The following CDH9 variants were observed in gnomAD, a reference collection of about 807,000 sequenced individuals.
The protein encoded by CDH9 is cadherin 9.
CDH9 carries 28 observed loss-of-function variants against 70.9 expected under a neutral mutation model. That is an observed-to-expected ratio of 0.40 (90% CI 0.29 to 0.54). CDH9 has a LOEUF of 0.54. CDH9 is among the 20% of genes least tolerant of loss of function. CDH9 has a pLI of 0.59. For synonymous variants in CDH9, 409 were observed against 343.1 expected (o/e 1.19, Z -2.12); for missense variants, 874 against 984.4 (o/e 0.89, Z 1.50).
chr5:26,959,900 A>AC (rs1742005787), intron 2 of CDH9, among the ~76,000 whole-genome samples: 1 of 69,080 alleles, frequency 1.4e-5, no homozygotes, highest in African/African-American at 2.8e-5. Context: ...TAATGTGTAT[A>AC]GGGTTTCTTT....
intron 11 of CDH9, among the ~76,000 whole-genome samples, chr5:26,885,217 C>T (rs565393655): frequency 6.6e-6 from 1 of 152,224 alleles, no homozygotes; most frequent in African/African-American, 2.4e-5. Flanking sequence ...CTAGCTAAAG[C>T]TTTTCCTAAA....
chr5:27,027,994 A>C (rs2112132493), intron 1 of CDH9, among the ~76,000 whole-genome samples: 1 of 152,204 alleles, frequency 6.6e-6, no homozygotes, highest in African/African-American at 2.4e-5. Context: ...AAACATAAAT[A>C]CAATATTTTT....
intron 3 of CDH9, among the ~76,000 whole-genome samples, chr5:26,909,864 C>T (rs1741018296): frequency 1.3e-5 from 2 of 151,686 alleles, no homozygotes; most frequent in Admixed American, 6.6e-5. Context: ...ATGTTAAAAG[C>T]TGATAAATAA....
chr5:27,001,338 A>G (rs1279880680), intron 1 of CDH9, among the ~76,000 whole-genome samples: 1 of 152,108 alleles, frequency 6.6e-6, no homozygotes, highest in African/African-American at 2.4e-5. Context: ...CTAGTTAATA[A>G]AGTTGTTTTC....
intron 2 of CDH9, among the ~76,000 whole-genome samples, chr5:26,944,315 T>C (rs1451137075): frequency 6.6e-6 from 1 of 152,188 alleles, no homozygotes; most frequent in Non-Finnish European, 1.5e-5. Context: ...GACAGTTCTA[T>C]TTTGAGGAAA....
At chr5:26,987,691 C>CAAGCAGG (rs764773344) in intron 2 of CDH9, among the ~76,000 whole-genome samples, 1 of 151,974 alleles carries the variant, frequency 6.6e-6, no homozygotes, top group Non-Finnish European at 1.5e-5. Context: ...GTCTAGATTA[C>CAAGCAGG]AAGCAGGAAG....
At chr5:26,942,441 C>A (rs1004191651) in intron 2 of CDH9, among the ~76,000 whole-genome samples, 2 of 152,124 alleles carry the variant, frequency 1.3e-5, no homozygotes, top group African/African-American at 4.8e-5. Flanking sequence ...ATGATTTAAT[C>A]CCCTCTTAAC....
At chr5:26,928,010 G>C (rs1413943105) in intron 2 of CDH9, among the ~76,000 whole-genome samples, 1 of 152,038 alleles carries the variant, frequency 6.6e-6, no homozygotes. Context: ...ATATAGAGGT[G>C]TGAAGAATAA....
At chr5:26,961,928 C>A (rs1190271570) in intron 2 of CDH9, among the ~76,000 whole-genome samples, 1 of 152,070 alleles carries the variant, frequency 6.6e-6, no homozygotes, top group East Asian at 1.9e-4. Context: ...CCACACCCAT[C>A]AACTCATCAT....
intron 1 of CDH9, among the ~76,000 whole-genome samples, chr5:27,037,620 G>C (rs1225458651): frequency 1.3e-5 from 2 of 151,864 alleles, no homozygotes; most frequent in Admixed American, 6.6e-5. Context: ...TGATGTGAAT[G>C]GTGATCTTGA....
chr5:26,920,218 G>A (rs1029520738), intron 2 of CDH9, among the ~76,000 whole-genome samples: 4 of 151,866 alleles, frequency 2.6e-5, no homozygotes, highest in Admixed American at 1.3e-4. Flanking sequence ...GAACATTGGC[G>A]GTAGCTAGGC....
intron 3 of CDH9, 48 bp downstream of exon 3, chr5:26,915,582 G>GCAAA (rs753175184): frequency 7.4e-6 from 8 of 1,080,626 alleles, no homozygotes; most frequent in South Asian, 5.4e-5. Context: ...AATTACCTGA[G>GCAAA]CAAACAAACA....
At chr5:26,962,736 T>TTTTTA (rs200777284) in intron 2 of CDH9, among the ~76,000 whole-genome samples, 147 of 152,020 alleles carry the variant, frequency 9.7e-4, no homozygotes, top group Middle Eastern at 3.4e-3. Flanking sequence ...TGTAGTCTTC[T>TTTTTA]TTTTATTTTA....
intron 1 of CDH9, among the ~76,000 whole-genome samples, chr5:27,028,723 G>A (rs1743262263): frequency 6.6e-6 from 1 of 151,840 alleles, no homozygotes; most frequent in South Asian, 2.1e-4. Context: ...AGATATAAAT[G>A]AAAAACCATA....
intron 1 of CDH9, among the ~76,000 whole-genome samples, chr5:27,002,231 A>C (rs1221011214): frequency 6.6e-6 from 1 of 152,194 alleles, no homozygotes; most frequent in Admixed American, 6.5e-5. Context: ...ATGCCATCTC[A>C]CACCAGTTAG....
intron 2 of CDH9, among the ~76,000 whole-genome samples, chr5:26,952,921 A>AGC (rs752327479): frequency 0.076 from 9,858 of 129,258 alleles, 411 homozygotes; most frequent in Non-Finnish European, 0.097. Context: ...AAAAAAAAAA[A>AGC]AGTTTAAAGA....
intron 3 of CDH9, among the ~76,000 whole-genome samples, chr5:26,914,955 A>G (rs1261855301): frequency 6.6e-6 from 1 of 152,032 alleles, no homozygotes; most frequent in Non-Finnish European, 1.5e-5. Flanking sequence ...AGTCATACAC[A>G]TATAAAACTC....
chr5:26,912,540 G>A (rs893730706), intron 3 of CDH9, among the ~76,000 whole-genome samples: 3 of 150,922 alleles, frequency 2.0e-5, no homozygotes, highest in Admixed American at 1.3e-4. Context: ...AGATATGTAT[G>A]TATTAAAATG....
At chr5:26,989,508 GTCTCTC>G (rs150867847) in intron 1 of CDH9, among the ~76,000 whole-genome samples, 260 of 146,874 alleles carry the variant, frequency 1.8e-3, no homozygotes, top group Non-Finnish European at 2.7e-3. Flanking sequence ...TCTCTTCTCT[GTCTCTC>G]TCTCTCTCTC....
Sources: allele counts gnomAD v4.1 joint callset (sites outside exome capture counted in the v4.1 genomes callset), GRCh38; gene constraint gnomAD v4.1.1; transcripts MANE v1.5; gene names NCBI Gene and HGNC (gene_info 2026-07-23, HGNC 2026-07-21).